EMB: variants seen among roughly 807,000 people sequenced by gnomAD.
The protein encoded by EMB is embigin homolog.
In EMB, 31 loss-of-function variants were observed where a neutral mutation model predicts 41.4. The ratio of observed to expected loss-of-function variants is 0.75; its 90% CI spans 0.56 to 1.01. EMB has a LOEUF of 1.01. EMB is among the 50% of genes least tolerant of loss of function. The pLI is 0.00. For synonymous variants in EMB, 137 were observed against 140.4 expected (o/e 0.98, Z 0.17); for missense variants, 379 against 388.3 (o/e 0.98, Z 0.20).
chr5:50,417,669 T>TA (rs1385046128), intron 2 of EMB, among the ~76,000 whole-genome samples: 1 of 152,196 alleles, frequency 6.6e-6, no homozygotes, highest in African/African-American at 2.4e-5. Context: ...TATATGTATA[T>TA]AAAATCTCCA....
intron 4 of EMB, among the ~76,000 whole-genome samples, chr5:50,408,703 ATTC>A (rs953262779): frequency 3.3e-5 from 5 of 152,066 alleles, no homozygotes; most frequent in African/African-American, 1.2e-4. Context: ...AAAGATAATT[ATTC>A]TTCTTAGGAA....
intron 4 of EMB, among the ~76,000 whole-genome samples, chr5:50,409,128 G>A (rs567929471): frequency 3.9e-5 from 6 of 152,080 alleles, no homozygotes; most frequent in Admixed American, 6.6e-5. Flanking sequence ...TTGGGTCAGC[G>A]CTGCTGACAC....
upstream of EMB, among the ~76,000 whole-genome samples, chr5:50,442,543 T>G (rs1018420791): frequency 6.6e-5 from 10 of 151,976 alleles, no homozygotes; most frequent in African/African-American, 2.4e-4. Flanking sequence ...ATTAGACAAC[T>G]GTTTATCTGT....
chr5:50,442,747 C>T (rs1350376596), upstream of EMB, among the ~76,000 whole-genome samples: 3 of 152,184 alleles, frequency 2.0e-5, no homozygotes, highest in African/African-American at 7.2e-5. Context: ...TTTCTTTCAA[C>T]CCTGCATCTG....
Position 50,441,032 on chromosome 5 carries a change from C to T in EMB, c.112+8G>A. ...CCCTCCCTACCCTGGACCCTGTACC[C>T]ATCACACCTGGGGCACTGCCGTCCG... On this transcript the variant is annotated splice_region_variant and intron_variant, in intron 1 of 8. Transcript: ENST00000303221. 6.7e-7 allele frequency: 1 copy of T among 1,486,808 alleles called. No homozygotes were observed. Among genetic ancestry groups the T allele is most frequent in the Non-Finnish European group, 9.0e-7 (1 of 1,115,772 alleles). 92.1% of individuals were successfully genotyped at this position (1,486,808 alleles called of 1,614,324 possible).
At chr5:50,410,152 G>C (rs936498708) in intron 4 of EMB, among the ~76,000 whole-genome samples, 1 of 152,070 alleles carries the variant, frequency 6.6e-6, no homozygotes, top group African/African-American at 2.4e-5. Context: ...AGCAGAGTCC[G>C]ACGTAGTTAA....
At chr5:50,429,955 T>C in intron 1 of EMB, among the ~76,000 whole-genome samples, 1 of 142,450 alleles carries the variant, frequency 7.0e-6, no homozygotes, top group African/African-American at 2.7e-5. Flanking sequence ...CCTCTCACCC[T>C]CCCCAACTCT....
At chr5:50,406,581 C>T (rs1745252666) in intron 4 of EMB, among the ~76,000 whole-genome samples, 2 of 151,760 alleles carry the variant, frequency 1.3e-5, no homozygotes, top group South Asian at 4.1e-4. Context: ...AGAGCATAAA[C>T]AGTACAATAA....
intron 1 of EMB, 33 bp from the exon 2 acceptor site, chr5:50,428,260 T>C (rs1255796745): frequency 2.7e-6 from 4 of 1,491,720 alleles, no homozygotes; most frequent in Admixed American, 1.8e-5. Flanking sequence ...TTACACACTC[T>C]TATCAAGAGT....
intron 1 of EMB, among the ~76,000 whole-genome samples, chr5:50,437,944 ATATAT>A (rs565732033): frequency 4.3e-4 from 65 of 152,312 alleles, no homozygotes; most frequent in South Asian, 1.4e-3. Context: ...CTTTACAAAG[ATATAT>A]TATATGTCTT....
chr5:50,437,107 C>CA (rs1445863214), intron 1 of EMB, among the ~76,000 whole-genome samples: 2 of 151,956 alleles, frequency 1.3e-5, no homozygotes, highest in Non-Finnish European at 2.9e-5. Flanking sequence ...CCCATCTCTA[C>CA]AAAAAATACA....
intron 2 of EMB, among the ~76,000 whole-genome samples, chr5:50,420,280 A>T (rs1745496859): frequency 6.6e-6 from 1 of 152,234 alleles, no homozygotes; most frequent in Non-Finnish European, 1.5e-5. Flanking sequence ...ATAAATACCT[A>T]ATGTAAACTG....
intron 1 of EMB, among the ~76,000 whole-genome samples, chr5:50,432,373 T>C (rs1269386895): frequency 2.6e-4 from 40 of 152,176 alleles, no homozygotes; most frequent in Non-Finnish European, 5.9e-5. Flanking sequence ...AACATTCTGA[T>C]ATACAGCATT....
Position 50,399,247 on chromosome 5 carries a change from A to G in EMB, c.*26T>C, listed in dbSNP as rs773278365. 5 of 1,608,020 alleles carry G rather than the reference A, an allele frequency of 3.1e-6. No homozygotes were observed. The highest frequency in any genetic ancestry group is 1.3e-5 in the African/African-American group (1 of 74,710). The stretch of plus-strand genomic sequence containing the variant: ...AAATACGAACTCTGTATATCTTCCA[A>G]TGATTCTCGACATGATGTTTTGTAT... On this transcript the variant is annotated 3_prime_UTR_variant, in exon 9 of 9. Transcript: ENST00000303221.
At chr5:50,430,468 C>A (rs1745702103) in intron 1 of EMB, among the ~76,000 whole-genome samples, 1 of 152,118 alleles carries the variant, frequency 6.6e-6, no homozygotes. Context: ...CATTCTTATT[C>A]CTATTCCACT....
At chr5:50,403,144 A>T (rs554195973) in intron 6 of EMB, 34 bp downstream of exon 6, 2 of 1,466,760 alleles carry the variant, frequency 1.4e-6, no homozygotes, top group Non-Finnish European at 1.8e-6. Flanking sequence ...AATACTTTCT[A>T]AAAAAAACAA....
Position 50,412,241 on chromosome 5 carries a change from C to A in EMB, c.197-858G>T, listed in dbSNP as rs541952982. Among the ~76,000 whole-genome samples, 46 of 91,878 alleles carry A rather than the reference C, an allele frequency of 5.0e-4. No homozygotes were observed. The East Asian group carries it at 6.8e-3, about 14-fold the overall frequency. The allele number at this position is 91,878 out of a possible 152,430, so 60.3% of individuals were successfully genotyped here. The stretch of plus-strand genomic sequence containing the variant: ...TTGAAAACAATACACACACACACAC[C>A]ACACACACACACACAGACACACACA... On this transcript the variant is annotated intron_variant, in intron 2 of 8. Coordinates refer to ENST00000303221, the MANE Select transcript of EMB (RefSeq NM_198449.3).
rs568901122 is a variant in EMB, at chr5:50,428,940, G to C, written c.113-713C>G. On this transcript the variant is annotated intron_variant, in intron 1 of 8. Transcript: ENST00000303221. ...GATGGGAGTCTCACTCAGTTGCCCA[G>C]GCTGGAGTGCAGGGGCATGGTCTCA... is the stretch of plus-strand genomic sequence containing the variant. 1.2e-3 allele frequency among the ~76,000 whole-genome samples: 179 copies of C among 151,764 alleles called. 1 individual carries two copies. Among genetic ancestry groups the C allele is most frequent in the African/African-American group, 4.0e-3 (167 of 41,336 alleles).
chr5:50,437,128 G>A (rs143343576), intron 1 of EMB, among the ~76,000 whole-genome samples: 2,474 of 152,100 alleles, frequency 0.016, 66 homozygotes, highest in African/African-American at 0.057. Context: ...AAAATTAGCC[G>A]GGTGTGGTGG....
Sources: allele counts gnomAD v4.1 joint callset (sites outside exome capture counted in the v4.1 genomes callset), GRCh38; gene constraint gnomAD v4.1.1; transcripts MANE v1.5; gene names NCBI Gene and HGNC (gene_info 2026-07-23, HGNC 2026-07-21).